CDH4: variants seen among roughly 807,000 people sequenced by gnomAD.
CDH4 encodes the protein cadherin-4.
A neutral mutation model predicts 86.0 loss-of-function variants in CDH4; 33 were observed. That is an observed-to-expected ratio of 0.38 (90% CI 0.29 to 0.51). The LOEUF (loss-of-function observed/expected upper bound fraction) is 0.51, where lower values mean the gene tolerates loss of function less well. Among genes scored for constraint, CDH4 ranks in the 20% least tolerant of loss-of-function variants. CDH4 has a pLI of 0.86. For missense variants in CDH4, 1,114 were observed against 1,307.4 expected (o/e 0.85, Z 2.28); for synonymous variants, 555 against 549.4 (o/e 1.01, Z -0.14).
intron 2 of CDH4, among the ~76,000 whole-genome samples, chr20:61,637,221 G>A (rs1206736430): frequency 1.3e-5 from 2 of 152,220 alleles, no homozygotes; most frequent in African/African-American, 2.4e-5. Context: ...AAAGGGGCAC[G>A]AGGAAGCTAG....
intron 2 of CDH4, among the ~76,000 whole-genome samples, chr20:61,618,304 T>C (rs2086742311): frequency 6.6e-6 from 1 of 152,044 alleles, no homozygotes; most frequent in Admixed American, 6.5e-5. Flanking sequence ...GAGTCTGGCC[T>C]CCCATCCCAT....
At chr20:61,608,344 G>T (rs2086660204) in intron 2 of CDH4, among the ~76,000 whole-genome samples, 1 of 152,186 alleles carries the variant, frequency 6.6e-6, no homozygotes, top group Non-Finnish European at 1.5e-5. Flanking sequence ...AAGAGAAGTT[G>T]CAGCTATCAT....
At chr20:61,911,240 C>T (rs1368232741) in intron 9 of CDH4, among the ~76,000 whole-genome samples, 7 of 152,186 alleles carry the variant, frequency 4.6e-5, no homozygotes, top group Non-Finnish European at 1.5e-5. Flanking sequence ...TTTGTAACTA[C>T]TGGTTCAATT....
At chr20:61,936,425 C>T (rs1395138187) in intron 15 of CDH4, among the ~76,000 whole-genome samples, 1 of 52,412 alleles carries the variant, frequency 1.9e-5, no homozygotes, top group Admixed American at 1.7e-4. Flanking sequence ...CACACCCCCC[C>T]CCCCATCTGC....
intron 2 of CDH4, among the ~76,000 whole-genome samples, chr20:61,513,128 C>T (rs1195612674): frequency 6.6e-6 from 1 of 152,172 alleles, no homozygotes. Flanking sequence ...CCTCCCTTTC[C>T]AGGCACACAC....
At chr20:61,299,318 T>G (rs888815310) in intron 2 of CDH4, among the ~76,000 whole-genome samples, 1 of 152,100 alleles carries the variant, frequency 6.6e-6, no homozygotes. Flanking sequence ...CTCCTCCCAA[T>G]GGGTCCCAGA....
chr20:61,299,725 G>C (rs2084376099), intron 2 of CDH4, among the ~76,000 whole-genome samples: 1 of 152,294 alleles, frequency 6.6e-6, no homozygotes, highest in Middle Eastern at 3.4e-3. Flanking sequence ...TGCAGGCCGG[G>C]CTGTCATCTC....
chr20:61,357,331 G>C (rs573259363), intron 2 of CDH4, among the ~76,000 whole-genome samples: 2 of 152,270 alleles, frequency 1.3e-5, no homozygotes, highest in Admixed American at 6.5e-5. Flanking sequence ...GAGGAGGACC[G>C]GCTGGTCCAC....
intron 2 of CDH4, among the ~76,000 whole-genome samples, chr20:61,717,315 G>A (rs117962574): frequency 7.9e-4 from 121 of 152,328 alleles, no homozygotes; most frequent in Non-Finnish European, 1.2e-3. Flanking sequence ...ACAGGACAGA[G>A]AGTGGCCCAG....
At chr20:61,487,201 T>C (rs2085601577) in intron 2 of CDH4, among the ~76,000 whole-genome samples, 1 of 152,236 alleles carries the variant, frequency 6.6e-6, no homozygotes, top group South Asian at 2.1e-4. Context: ...AAAAAGATAA[T>C]GCTTTCTCCA....
intron 4 of CDH4, among the ~76,000 whole-genome samples, chr20:61,817,822 C>T (rs73611577): frequency 0.41 from 61,703 of 151,710 alleles, 15,470 homozygotes; most frequent in Non-Finnish European, 0.57. Context: ...GAGTGGAGGC[C>T]AACGCACTGC....
chr20:61,619,069 T>C (rs954169094), intron 2 of CDH4, among the ~76,000 whole-genome samples: 1 of 152,166 alleles, frequency 6.6e-6, no homozygotes, highest in Non-Finnish European at 1.5e-5. Context: ...TGATAGTGAA[T>C]AAAGAAACAG....
intron 2 of CDH4, among the ~76,000 whole-genome samples, chr20:61,515,539 C>T (rs1004784054): frequency 6.6e-6 from 1 of 152,176 alleles, no homozygotes; most frequent in Non-Finnish European, 1.5e-5. Flanking sequence ...TGTTGGGAGT[C>T]GGTTGTCCCT....
chr20:61,266,171 C>T (rs536046278), intron 2 of CDH4, among the ~76,000 whole-genome samples: 293 of 152,250 alleles, frequency 1.9e-3, no homozygotes, highest in Non-Finnish European at 3.4e-3. Flanking sequence ...AGTTTGGGTG[C>T]TTCCCAGCCC....
chr20:61,393,772 C>T lies in CDH4; in HGVS notation c.169+138835C>T, dbSNP rs982767977. The stretch of plus-strand genomic sequence containing the variant: ...TGAGGATTACACGAGTCCTGGAGAC[C>T]GTGCAGTGAACTCTTACACCCCAGG... On this transcript the variant is annotated intron_variant, in intron 2 of 15. Coordinates refer to ENST00000614565, the MANE Select transcript of CDH4 (RefSeq NM_001794.5). The surrounding 1 kb of genome is among the most constrained non-coding windows in gnomAD (Gnocchi z 4.3). Among the ~76,000 whole-genome samples, 4 of 151,966 alleles carry T rather than the reference C, an allele frequency of 2.6e-5. No homozygotes were observed. The highest frequency in any genetic ancestry group is 3.9e-4 in the East Asian group (2 of 5,174).
intron 4 of CDH4, among the ~76,000 whole-genome samples, chr20:61,773,554 T>C (rs7269964): frequency 0.014 from 2,058 of 152,260 alleles, 53 homozygotes; most frequent in African/African-American, 0.048. Context: ...GGTGGTGCCA[T>C]GACGATCCCT....
At position 61,743,860 on chromosome 20, in the gene CDH4, G is replaced by A. The variant is rs2088376586; in HGVS notation, c.396+71G>A. 2.5e-6 allele frequency: 3 copies of A among 1,191,912 alleles called. No individual in the cohort carries two copies. The Admixed American group carries it at 6.0e-5, about 24-fold the overall frequency. The allele number at this position is 1,191,912 out of a possible 1,614,324, so 73.8% of individuals were successfully genotyped here. ...GTTCCTCCTGCAGGCCCTGGGCAGAGCCTCTGCCAGGGCTCCCACAGGACA... is the reference window on the plus strand; with the variant it reads ...GTTCCTCCTGCAGGCCCTGGGCAGAACCTCTGCCAGGGCTCCCACAGGACA... On this transcript the variant is annotated intron_variant, in intron 3 of 15. Coordinates refer to ENST00000614565, the MANE Select transcript of CDH4 (RefSeq NM_001794.5).
chr20:61,463,659 G>A (rs1359143319), intron 2 of CDH4, among the ~76,000 whole-genome samples: 1 of 152,182 alleles, frequency 6.6e-6, no homozygotes, highest in Non-Finnish European at 1.5e-5. Context: ...CCCATCCTAT[G>A]TAAGCCACAG....
intron 7 of CDH4, among the ~76,000 whole-genome samples, chr20:61,890,409 G>A (rs1294128987): frequency 6.6e-6 from 1 of 151,564 alleles, no homozygotes; most frequent in Non-Finnish European, 1.5e-5. Context: ...TGGATGGATG[G>A]ATGGATGATG....
Sources: gnomAD v4.1 joint callset for allele counts (sites outside exome capture counted in the v4.1 genomes callset) on GRCh38, gnomAD v4.1.1 for gene constraint, Gnocchi (gnomAD v3.1) non-coding constraint, MANE v1.5 for transcripts, NCBI Gene and HGNC (gene_info 2026-07-23, HGNC 2026-07-21) for gene names.